Variants in POLR2B observed in about 807,000 individuals in gnomAD.
The protein encoded by POLR2B is RNA polymerase II subunit B.
In POLR2B, 57 loss-of-function variants were observed where a neutral mutation model predicts 144.6. The ratio of observed to expected loss-of-function variants is 0.39; its 90% CI spans 0.32 to 0.49. POLR2B has a LOEUF of 0.49. Among genes scored for constraint, POLR2B ranks in the 20% least tolerant of loss-of-function variants. POLR2B has a pLI of 0.83. For synonymous variants in POLR2B, 442 were observed against 469.8 expected (o/e 0.94, Z 0.77); for missense variants, 595 against 1,467.4 (o/e 0.41, Z 9.71).
chr4:56,994,516 C>A lies in POLR2B; in HGVS notation c.356C>A (p.Thr119Lys). 1.3e-6 allele frequency: 2 copies of A among 1,560,794 alleles called. No homozygotes were observed. The highest frequency in any genetic ancestry group is 1.8e-6 in the Non-Finnish European group (2 of 1,132,256). ...AATGAAGCTAGATTAAGGAATCTCA[C>A]GTAAGAAAGAATTTTTCCTTGTCAG... ...MPNEARLRNL[T>K]YSAPLYVDIT... Residue 119 changes from threonine to lysine, a missense_variant and splice_region_variant, in exon 4 of 25, where the codon ACG becomes AAG. Thr to Lys is a moderately conservative substitution (Grantham distance 78). Around this residue, in one of 9 missense-constraint regions of POLR2B, gnomAD observed 251 missense variants for 567.3 expected, o/e 0.44. Coordinates refer to ENST00000314595, the MANE Select transcript of POLR2B (RefSeq NM_000938.3).
At chr4:56,992,465 A>C (rs1230135879) in intron 3 of POLR2B, among the ~76,000 whole-genome samples, 1 of 58,000 alleles carries the variant, frequency 1.7e-5, no homozygotes, top group Non-Finnish European at 3.9e-5. Flanking sequence ...ACTCTGTCTC[A>C]AAAAAAAAAA....
intron 3 of POLR2B, among the ~76,000 whole-genome samples, chr4:56,991,633 A>G (rs1357696180): frequency 6.6e-6 from 1 of 152,184 alleles, no homozygotes; most frequent in Non-Finnish European, 1.5e-5. Flanking sequence ...TGTGTAGCTT[A>G]TCTCCTAAGT....
intron 23 of POLR2B, among the ~76,000 whole-genome samples, 187 bp downstream of exon 23, chr4:57,025,724 T>C (rs1284210331): frequency 6.6e-6 from 1 of 152,154 alleles, no homozygotes; most frequent in African/African-American, 2.4e-5. Context: ...ATTATCATCA[T>C]GTTTTAAAGG....
intron 7 of POLR2B, among the ~76,000 whole-genome samples, chr4:57,005,041 T>G (rs1203250036): frequency 6.6e-6 from 1 of 152,276 alleles, no homozygotes; most frequent in South Asian, 2.1e-4. Flanking sequence ...GGTAATTGCC[T>G]GTGCTGATGA....
At chr4:57,014,379 A>G (rs950197207) in intron 13 of POLR2B, among the ~76,000 whole-genome samples, 1 of 151,844 alleles carries the variant, frequency 6.6e-6, no homozygotes, top group African/African-American at 2.4e-5. Flanking sequence ...TTTTTAGTAG[A>G]GACAGGGTTT....
chr4:57,012,753 C>G (rs115071702), intron 13 of POLR2B, among the ~76,000 whole-genome samples: 14,722 of 152,210 alleles, frequency 0.097, 939 homozygotes, highest in African/African-American at 0.17. Context: ...CAACCTCTGT[C>G]TCCCAGGTTC....
At chr4:57,006,650 G>A (rs529561871) in intron 9 of POLR2B, among the ~76,000 whole-genome samples, 166 bp from the exon 10 acceptor site, 36 of 152,132 alleles carry the variant, frequency 2.4e-4, no homozygotes, top group African/African-American at 8.4e-4. Context: ...GTATGTTCAC[G>A]TACTATACAT....
chr4:57,011,040 C>T lies in POLR2B; in HGVS notation c.1740C>T (p.Pro580=), dbSNP rs757071065. The T allele has an allele frequency of 8.1e-6, 13 of 1,614,006 alleles. No homozygotes were observed. The highest frequency in any genetic ancestry group is 4.0e-5 in the African/African-American group (3 of 75,012). ...NGCWVGIHKD[P]EQLMNTLRKL... is the part of the protein sequence containing the mutation. ...GCTGGGTTGGAATACATAAAGATCCCGAACAACTTATGAACACCCTAAGGA... is the reference window on the plus strand; with the variant it reads ...GCTGGGTTGGAATACATAAAGATCCTGAACAACTTATGAACACCCTAAGGA... The change falls in exon 13 of 25, where the codon CCC becomes CCT. Residue 580 remains proline (P), a synonymous_variant. Coordinates refer to ENST00000314595, the MANE Select transcript of POLR2B (RefSeq NM_000938.3).
At chr4:57,001,188 G>C (rs1441833604) in intron 7 of POLR2B, among the ~76,000 whole-genome samples, 2 of 150,574 alleles carry the variant, frequency 1.3e-5, no homozygotes, top group African/African-American at 4.9e-5. Flanking sequence ...ATTTTTTTTG[G>C]AGACAAGGTC....
At chr4:57,021,568 A>ATC (rs1235221881) in intron 17 of POLR2B, among the ~76,000 whole-genome samples, 2 of 149,070 alleles carry the variant, frequency 1.3e-5, no homozygotes, top group African/African-American at 2.5e-5. Flanking sequence ...CTCACTTGCA[A>ATC]TCTCTGCCTC....
chr4:56,983,560 C>T (rs778864455), intron 1 of POLR2B, among the ~76,000 whole-genome samples: 3 of 151,684 alleles, frequency 2.0e-5, no homozygotes, highest in Non-Finnish European at 4.4e-5. Context: ...TTAGTAGAGA[C>T]GGGGTTTCAC....
At chr4:56,990,676 A>G in intron 2 of POLR2B, 72 bp from the exon 3 acceptor site, 1 of 1,277,002 alleles carries the variant, frequency 7.8e-7, no homozygotes, top group Non-Finnish European at 1.1e-6. Context: ...AAATGGGGAA[A>G]TAATGAAAAT....
chr4:57,030,162 A>G (rs1453619872), intron 23 of POLR2B, 42 bp from the exon 24 acceptor site: 1 of 1,497,186 alleles, frequency 6.7e-7, no homozygotes, highest in Non-Finnish European at 9.2e-7. Flanking sequence ...GGTGTTTATA[A>G]TAAAAAATAA....
At chr4:57,019,812 A>T (rs1322401821) in intron 16 of POLR2B, among the ~76,000 whole-genome samples, 5 of 145,572 alleles carry the variant, frequency 3.4e-5, no homozygotes, top group Non-Finnish European at 6.0e-5. Flanking sequence ...ATTCAAACCT[A>T]ACGATGTCTT....
chr4:56,996,238 G>GTGTGTGTA (rs1491167997), intron 6 of POLR2B, among the ~76,000 whole-genome samples: 1 of 106,860 alleles, frequency 9.4e-6, no homozygotes, highest in African/African-American at 3.4e-5. Flanking sequence ...GTGTGTGTGT[G>GTGTGTGTA]TATGTATATG....
chr4:56,993,818 G>A (rs1209267922), intron 3 of POLR2B, among the ~76,000 whole-genome samples: 1 of 152,132 alleles, frequency 6.6e-6, no homozygotes, highest in Non-Finnish European at 1.5e-5. Context: ...TAACTGAAGA[G>A]AGGTTTATTT....
chr4:57,024,224 GACTT>G (rs1258413564), intron 21 of POLR2B, 112 bp downstream of exon 21: 3 of 564,288 alleles, frequency 5.3e-6, no homozygotes, highest in South Asian at 5.7e-5. Context: ...GCTAGTGTGA[GACTT>G]ACTTTTCTGC....
chr4:57,007,082 A>G, intron 10 of POLR2B, 80 bp downstream of exon 10: 1 of 1,074,774 alleles, frequency 9.3e-7, no homozygotes, highest in Non-Finnish European at 1.4e-6. Context: ...TGTTGAATAT[A>G]AATTATTTTG....
chr4:57,029,946 A>G (rs1462973606), intron 23 of POLR2B, among the ~76,000 whole-genome samples: 1 of 152,118 alleles, frequency 6.6e-6, no homozygotes, highest in Non-Finnish European at 1.5e-5. Context: ...TGAGCTCAAG[A>G]GATCCACCCA....
Sources: allele counts gnomAD v4.1 joint callset (sites outside exome capture counted in the v4.1 genomes callset), GRCh38; gene constraint gnomAD v4.1.1; regional missense constraint gnomAD v4.1.1; transcripts MANE v1.5; gene names NCBI Gene and HGNC (gene_info 2026-07-23, HGNC 2026-07-21).